The following BCAS4 variants were observed in gnomAD, a reference collection of about 807,000 sequenced individuals.
BCAS4 encodes breast carcinoma-amplified sequence 4.
Under a neutral mutation model 15.7 loss-of-function variants are expected in BCAS4, and 9 were observed. The ratio of observed to expected loss-of-function variants is 0.57; its 90% confidence interval spans 0.34 to 1.00. BCAS4 has a LOEUF of 1.00. Ranked by LOEUF, BCAS4 falls within the 50% of genes least tolerant of loss-of-function variation. The pLI is 0.02. For synonymous variants in BCAS4, 101 were observed against 99.5 expected (o/e 1.02, Z -0.09); for missense variants, 225 against 239.1 (o/e 0.94, Z 0.39).
intron 4 of BCAS4, among the ~76,000 whole-genome samples, chr20:50,856,194 G>C (rs993564607): frequency 6.6e-6 from 1 of 152,262 alleles, no homozygotes; most frequent in African/African-American, 2.4e-5. Context: ...ACTCCTGCCT[G>C]CTGCCTGCAG....
At chr20:50,824,748 A>G (rs1173981226) in intron 2 of BCAS4, among the ~76,000 whole-genome samples, 2 of 152,064 alleles carry the variant, frequency 1.3e-5, no homozygotes, top group African/African-American at 4.8e-5. Context: ...GGCAGCTGCC[A>G]CTCAGCTCCA....
intron 4 of BCAS4, among the ~76,000 whole-genome samples, chr20:50,852,639 C>T (rs1424598153): frequency 5.3e-5 from 8 of 152,140 alleles, no homozygotes; most frequent in Non-Finnish European, 1.0e-4. Flanking sequence ...ATCTTGGTTT[C>T]CCAAAGTGCT....
intron 2 of BCAS4, among the ~76,000 whole-genome samples, chr20:50,826,232 A>G (rs2088276337): frequency 6.6e-6 from 1 of 152,202 alleles, no homozygotes; most frequent in Non-Finnish European, 1.5e-5. Context: ...CTTGGGGAAG[A>G]AAGGGAGGAG....
chr20:50,836,210 C>G lies in BCAS4; in HGVS notation c.265-5556C>G, dbSNP rs1361286897. Among the ~76,000 whole-genome samples, 4 of 152,218 alleles carry G rather than the reference C, an allele frequency of 2.6e-5. No individual in the cohort carries two copies. In the East Asian group the frequency reaches 7.7e-4, roughly 29 times the overall value. On this transcript the variant is annotated intron_variant, in intron 3 of 4. Transcript: ENST00000371608. The stretch of plus-strand genomic sequence containing the variant: ...GGATTACCGGCGTGAGCCACTGCGC[C>G]TGGCTGGTGATGTATTTCCTATTAG...
chr20:50,814,311 G>A (rs2088110942), intron 1 of BCAS4, among the ~76,000 whole-genome samples: 1 of 152,162 alleles, frequency 6.6e-6, no homozygotes, highest in Non-Finnish European at 1.5e-5. Context: ...TTTTTGTTTT[G>A]AGACAATCTC....
chr20:50,826,702 T>C (rs2088281576), intron 2 of BCAS4, among the ~76,000 whole-genome samples: 1 of 151,684 alleles, frequency 6.6e-6, no homozygotes, highest in Non-Finnish European at 1.5e-5. Context: ...CCAGGCACAA[T>C]GGCTGACGCC....
At chr20:50,802,463 G>A (rs779506527) in intron 1 of BCAS4, among the ~76,000 whole-genome samples, 3 of 152,244 alleles carry the variant, frequency 2.0e-5, no homozygotes, top group African/African-American at 7.2e-5. Flanking sequence ...CTTCCTCAGG[G>A]CTCTGGCAGC....
chr20:50,836,755 C>T (rs542883638), intron 3 of BCAS4, among the ~76,000 whole-genome samples: 1 of 152,250 alleles, frequency 6.6e-6, no homozygotes, highest in African/African-American at 2.4e-5. Flanking sequence ...GACAAGTTCT[C>T]GCTCTGTCAT....
intron 1 of BCAS4, among the ~76,000 whole-genome samples, chr20:50,816,397 G>A (rs1201568832): frequency 6.6e-6 from 1 of 152,212 alleles, no homozygotes; most frequent in Non-Finnish European, 1.5e-5. Flanking sequence ...CCCTCTGCAC[G>A]TTCGTTATTG....
intron 1 of BCAS4, among the ~76,000 whole-genome samples, chr20:50,811,520 T>G (rs1360318409): frequency 6.6e-6 from 1 of 152,124 alleles, no homozygotes; most frequent in Admixed American, 6.6e-5. Flanking sequence ...CCATCACCAT[T>G]AGCAGTTATT....
intron 4 of BCAS4, chr20:50,875,980 C>G (rs1386355128): frequency 2.2e-6 from 1 of 456,256 alleles, no homozygotes; most frequent in South Asian, 1.5e-5. Context: ...GAGACATTGT[C>G]TCACTCTGTT....
intron 2 of BCAS4, among the ~76,000 whole-genome samples, chr20:50,824,007 A>G (rs2088248446): frequency 6.6e-6 from 1 of 152,156 alleles, no homozygotes; most frequent in African/African-American, 2.4e-5. Flanking sequence ...TAATATTATA[A>G]TAAATAGCAC....
intron 4 of BCAS4, among the ~76,000 whole-genome samples, chr20:50,859,927 C>T (rs982906651): frequency 2.0e-5 from 3 of 152,068 alleles, no homozygotes; most frequent in African/African-American, 7.2e-5. Flanking sequence ...ATCGCTTGAA[C>T]CCAGGATTTC....
chr20:50,874,121 G>A (rs556744848), intron 4 of BCAS4, among the ~76,000 whole-genome samples: 53 of 152,216 alleles, frequency 3.5e-4, no homozygotes, highest in African/African-American at 1.2e-3. Flanking sequence ...TGCTCTTCCT[G>A]AAGTGCAGAC....
At chr20:50,855,679 T>C (rs945938326) in intron 4 of BCAS4, among the ~76,000 whole-genome samples, 1 of 151,956 alleles carries the variant, frequency 6.6e-6, no homozygotes, top group African/African-American at 2.4e-5. Context: ...TGGGCACCCA[T>C]TGCCCTTCTC....
chr20:50,844,881 A>G (rs1165956195), intron 4 of BCAS4, among the ~76,000 whole-genome samples: 1 of 152,104 alleles, frequency 6.6e-6, no homozygotes, highest in Non-Finnish European at 1.5e-5. Context: ...CGTCCTGGCC[A>G]GGGGTGGGTG....
chr20:50,819,787 TGTCTTTCTGTCTTTCC>T (rs147150133), intron 2 of BCAS4, among the ~76,000 whole-genome samples: 17,709 of 151,826 alleles, frequency 0.12, 1,042 homozygotes, highest in African/African-American at 0.14. Context: ...TTTCTGTCTT[TGTCTTTCTGTCTTTCC>T]GTCTTTCTGT....
chr20:50,799,064 A>C (rs2087898685), intron 1 of BCAS4, among the ~76,000 whole-genome samples: 1 of 152,172 alleles, frequency 6.6e-6, no homozygotes, highest in African/African-American at 2.4e-5. Context: ...ACTCAGGCAC[A>C]GACATTTAGG....
chr20:50,800,057 A>G (rs1267861389), intron 1 of BCAS4, among the ~76,000 whole-genome samples: 20 of 152,172 alleles, frequency 1.3e-4, no homozygotes, highest in Admixed American at 1.3e-3. Context: ...AAAAAACAAA[A>G]CAAAATGAAA....
Sources: allele counts gnomAD v4.1 joint callset (sites outside exome capture counted in the v4.1 genomes callset), GRCh38; gene constraint gnomAD v4.1.1; transcripts MANE v1.5; gene names NCBI Gene and HGNC (gene_info 2026-07-23, HGNC 2026-07-21).